TNPO1: variants seen among roughly 807,000 people sequenced by gnomAD.
TNPO1 encodes transportin-1.
TNPO1 carries 8 observed loss-of-function variants against 119.5 expected under a neutral mutation model. That is an observed-to-expected ratio of 0.07 (90% CI 0.04 to 0.12). TNPO1 has a LOEUF of 0.12. Among genes scored for constraint, TNPO1 ranks in the 10% least tolerant of loss-of-function variants. The pLI, the probability that TNPO1 is intolerant of heterozygous loss-of-function variation, is 1.00. For missense variants in TNPO1, 576 were observed against 1,089.8 expected, an observed-to-expected ratio of 0.53 and a Z score of 6.64; for synonymous variants, 362 against 363.0, an observed-to-expected ratio of 1.00 and a Z score of 0.03.
chr5:72,869,376 A>C (rs1479051441), intron 6 of TNPO1, among the ~76,000 whole-genome samples: 1 of 151,732 alleles, frequency 6.6e-6, no homozygotes, highest in African/African-American at 2.4e-5. Flanking sequence ...GCAAAATCCT[A>C]CCTCCATTAA....
chr5:72,816,916 C>T, intron 1 of TNPO1, 164 bp downstream of exon 1: 1 of 814,582 alleles, frequency 1.2e-6, no homozygotes, highest in Middle Eastern at 4.0e-4. Context: ...GCGGTTCTAA[C>T]CCCAACAGCT....
Position 72,909,158 on chromosome 5 carries a change from G to C in TNPO1, c.*485G>C, listed in dbSNP as rs992229458. ...TTTAATTTAAAGTTTTTTTATGTAA[G>C]TTTTCCCACATGATGGGGCCTTGTT... On this transcript the variant is annotated 3_prime_UTR_variant, in exon 25 of 25. Coordinates refer to ENST00000337273, the MANE Select transcript of TNPO1 (RefSeq NM_002270.4). 7 of 151,724 alleles carry C rather than the reference G, an allele frequency of 4.6e-5. No homozygotes were observed. The highest frequency in any genetic ancestry group is 1.0e-4 in the Non-Finnish European group (7 of 69,220). The allele number at this position is 151,724 out of a possible 1,614,324, so 9.4% of individuals were successfully genotyped here.
At chr5:72,833,266 T>C (rs960895680) in intron 1 of TNPO1, among the ~76,000 whole-genome samples, 1 of 152,210 alleles carries the variant, frequency 6.6e-6, no homozygotes, top group East Asian at 1.9e-4. Flanking sequence ...TTATGTATTA[T>C]GACAAACTAG....
chr5:72,875,846 G>A, intron 8 of TNPO1, 109 bp downstream of exon 8: 1 of 1,263,832 alleles, frequency 7.9e-7, no homozygotes, highest in Non-Finnish European at 1.1e-6. Flanking sequence ...AGTTATAATT[G>A]TCTTAAAATT....
At chr5:72,821,636 T>C (rs573275369) in intron 1 of TNPO1, among the ~76,000 whole-genome samples, 1 of 152,314 alleles carries the variant, frequency 6.6e-6, no homozygotes, top group African/African-American at 2.4e-5. Flanking sequence ...GGATTATCTC[T>C]TGTCGAGAGA....
chr5:72,888,327 G>A (rs761548382), intron 13 of TNPO1, 24 bp downstream of exon 13: 2 of 1,595,166 alleles, frequency 1.3e-6, no homozygotes, highest in Non-Finnish European at 1.7e-6. Flanking sequence ...ATAACACAGT[G>A]TTCTTTGTGG....
intron 1 of TNPO1, among the ~76,000 whole-genome samples, chr5:72,831,332 G>C (rs1368200237): frequency 6.6e-6 from 1 of 151,672 alleles, no homozygotes; most frequent in Non-Finnish European, 1.5e-5. Flanking sequence ...CATATTGTTT[G>C]AGCTATATAT....
chr5:72,836,672 T>A (rs1744705159), intron 1 of TNPO1, among the ~76,000 whole-genome samples: 1 of 152,222 alleles, frequency 6.6e-6, no homozygotes, highest in African/African-American at 2.4e-5. Context: ...ATTTTTCAAA[T>A]CTTTAAGTTC....
intron 3 of TNPO1, among the ~76,000 whole-genome samples, chr5:72,853,833 C>T (rs184709665): frequency 6.3e-4 from 96 of 152,278 alleles, no homozygotes; most frequent in African/African-American, 2.2e-3. Flanking sequence ...AATTTTTGAT[C>T]TGTAAGAGAT....
chr5:72,895,224 C>T (rs994265949), intron 18 of TNPO1, among the ~76,000 whole-genome samples: 4 of 152,198 alleles, frequency 2.6e-5, no homozygotes, highest in Admixed American at 6.5e-5. Context: ...ACATGTTCCT[C>T]TGTCCGTTGT....
intron 22 of TNPO1, among the ~76,000 whole-genome samples, chr5:72,903,439 A>G (rs1431295064): frequency 1.3e-5 from 2 of 152,174 alleles, no homozygotes; most frequent in Non-Finnish European, 2.9e-5. Context: ...CTGATGCTGA[A>G]CATTTATTGC....
intron 1 of TNPO1, chr5:72,848,080 T>C: frequency 1.8e-6 from 2 of 1,101,528 alleles, no homozygotes; most frequent in Non-Finnish European, 2.2e-6. Context: ...CCCAGGGGGC[T>C]CCCGTGAGCG....
intron 18 of TNPO1, among the ~76,000 whole-genome samples, chr5:72,894,160 A>G (rs534345469): frequency 3.3e-5 from 5 of 152,330 alleles, no homozygotes; most frequent in Admixed American, 2.0e-4. Flanking sequence ...GGGGGCTCAC[A>G]CCTGTAATGC....
intron 24 of TNPO1, among the ~76,000 whole-genome samples, chr5:72,906,867 C>G (rs1486140463): frequency 6.6e-6 from 1 of 152,184 alleles, no homozygotes; most frequent in Admixed American, 6.5e-5. Flanking sequence ...TGACATTCAT[C>G]TTTAGATTTT....
intron 1 of TNPO1, among the ~76,000 whole-genome samples, chr5:72,844,839 A>C (rs191231996): frequency 9.9e-5 from 15 of 152,216 alleles, no homozygotes; most frequent in Admixed American, 9.8e-4. Flanking sequence ...AAGAAGCTAT[A>C]TATTTTTACT....
intron 22 of TNPO1, 63 bp from the exon 23 acceptor site, chr5:72,903,646 A>G (rs544352995): frequency 5.5e-6 from 6 of 1,091,388 alleles, no homozygotes; most frequent in African/African-American, 4.7e-5. Context: ...AGGTTTACAT[A>G]TATCTTTTGC....
Position 72,903,700 on chromosome 5 carries a change from T to A in TNPO1, c.2515-9T>A, listed in dbSNP as rs996833542. On this transcript the variant is annotated splice_polypyrimidine_tract_variant and intron_variant, in intron 22 of 24. Coordinates refer to ENST00000337273, the MANE Select transcript of TNPO1 (RefSeq NM_002270.4). ...TATCAACCTAAGATGTATTTCTTGC[T>A]TGTTACAGGATTTTATATTTTTTTG... The A allele has an allele frequency of 6.3e-7, 1 of 1,593,582 alleles. No individual in the cohort carries two copies. Among genetic ancestry groups the A allele is most frequent in the African/African-American group, 1.3e-5 (1 of 74,198 alleles).
rs144366524 is a variant in TNPO1 at position 72,817,572 on chromosome 5, CAGT to C, written c.15+823_15+825del. 5.9e-3 allele frequency among the ~76,000 whole-genome samples: 897 copies of C among 152,312 alleles called. 5 individuals carry two copies. The highest frequency in any genetic ancestry group is 0.021 in the African/African-American group (877 of 41,572). On this transcript the variant is annotated intron_variant, in intron 1 of 24. Coordinates refer to ENST00000337273, the MANE Select transcript of TNPO1 (RefSeq NM_002270.4). ...TTAATCGCTAATCAGGATGGTCTAT[CAGT>C]AGATGTAAATGTAGAAATTTGAAAT...
chr5:72,901,099 T>C (rs771261024), intron 22 of TNPO1, 26 bp downstream of exon 22: 4 of 1,470,218 alleles, frequency 2.7e-6, no homozygotes, highest in East Asian at 4.6e-5. Context: ...AGATTTGTTT[T>C]TAATGTCTAA....
Sources: gnomAD v4.1 joint callset for allele counts (sites outside exome capture counted in the v4.1 genomes callset) on GRCh38, gnomAD v4.1.1 for gene constraint, MANE v1.5 for transcripts, NCBI Gene and HGNC (gene_info 2026-07-23, HGNC 2026-07-21) for gene names.